TFCP2L1: variants seen among roughly 807,000 people sequenced by gnomAD.
TFCP2L1 encodes transcription factor CP2-like protein 1.
In TFCP2L1, 12 loss-of-function variants were observed where a neutral mutation model predicts 72.2. That is an observed-to-expected ratio of 0.17 (90% confidence interval 0.11 to 0.27). The LOEUF is 0.27. TFCP2L1 is among the 10% of genes least tolerant of loss of function. The pLI is 1.00. For synonymous variants in TFCP2L1, 260 were observed against 251.0 expected (o/e 1.04, Z -0.34); for missense variants, 488 against 624.6 (o/e 0.78, Z 2.33).
At chr2:121,247,551 A>T (rs1686514780) in intron 5 of TFCP2L1, among the ~76,000 whole-genome samples, 1 of 125,088 alleles carries the variant, frequency 8.0e-6, no homozygotes, top group Non-Finnish European at 1.7e-5. Flanking sequence ...TTGTAATTGT[A>T]AAAAAAAAAA....
chr2:121,245,151 A>G (rs1486666664), intron 6 of TFCP2L1, among the ~76,000 whole-genome samples: 1 of 152,170 alleles, frequency 6.6e-6, no homozygotes. Context: ...ATCCTTACAA[A>G]AGGAAGAGGG....
intron 2 of TFCP2L1, among the ~76,000 whole-genome samples, chr2:121,272,719 T>C (rs1219814038): frequency 1.3e-5 from 2 of 152,204 alleles, no homozygotes; most frequent in Admixed American, 6.5e-5. Flanking sequence ...ATGGCTGACA[T>C]GTGAGTGCTT....
At chr2:121,269,918 A>AAAAAAAAAAAAAAAATATATATAT in intron 2 of TFCP2L1, among the ~76,000 whole-genome samples, 2 of 115,182 alleles carry the variant, frequency 1.7e-5, no homozygotes, top group African/African-American at 7.4e-5. Flanking sequence ...AAAAAAAAAA[A>AAAAAAAAAAAAAAAATATATATAT]ATATATATAT....
intron 2 of TFCP2L1, among the ~76,000 whole-genome samples, chr2:121,260,594 A>C (rs1237484823): frequency 6.6e-6 from 1 of 152,192 alleles, no homozygotes; most frequent in Non-Finnish European, 1.5e-5. Flanking sequence ...CCTAACTGCC[A>C]AGGTCACAGA....
intron 2 of TFCP2L1, among the ~76,000 whole-genome samples, chr2:121,279,108 G>A (rs1687205535): frequency 6.6e-6 from 1 of 152,068 alleles, no homozygotes; most frequent in Admixed American, 6.5e-5. Flanking sequence ...ACAATATCTT[G>A]GTCTAGGAGC....
At chr2:121,243,261 C>T (rs1686415050) in intron 6 of TFCP2L1, among the ~76,000 whole-genome samples, 1 of 152,270 alleles carries the variant, frequency 6.6e-6, no homozygotes, top group Admixed American at 6.5e-5. Flanking sequence ...TTACTACCCA[C>T]ACAGCAGGCT....
intron 2 of TFCP2L1, among the ~76,000 whole-genome samples, chr2:121,276,873 TAAAAG>T (rs1406832189): frequency 6.7e-6 from 1 of 149,754 alleles, no homozygotes; most frequent in African/African-American, 2.5e-5. Flanking sequence ...CTTTTAAGCA[TAAAAG>T]AAAAGTTTAT....
chr2:121,219,217 A>C lies in TFCP2L1; in HGVS notation c.*5124T>G, dbSNP rs1030245355. 1 of 152,280 alleles carries C rather than the reference A, an allele frequency of 6.6e-6. No individual in the cohort carries two copies. Among genetic ancestry groups the C allele is most frequent in the Non-Finnish European group, 1.5e-5 (1 of 68,090 alleles). 9.4% of individuals were successfully genotyped at this position (152,280 alleles called of 1,614,324 possible). ...CTCTCCAGGAGGTCACACAAGATCA[A>C]AAGAGGATCATCGAGCTACCGAGGG... On this transcript the variant is annotated 3_prime_UTR_variant, in exon 15 of 15. Coordinates refer to ENST00000263707, the MANE Select transcript of TFCP2L1 (RefSeq NM_014553.3).
chr2:121,248,564 T>A (rs1381161197), intron 4 of TFCP2L1, among the ~76,000 whole-genome samples: 1 of 152,136 alleles, frequency 6.6e-6, no homozygotes, highest in East Asian at 1.9e-4. Context: ...CGTATTGTCA[T>A]TCTAGCTTCT....
At chr2:121,252,219 T>C (rs1686627180) in intron 2 of TFCP2L1, among the ~76,000 whole-genome samples, 2 of 152,188 alleles carry the variant, frequency 1.3e-5, no homozygotes, top group Non-Finnish European at 2.9e-5. Context: ...TGGCTAATTT[T>C]TTATTTTTGT....
chr2:121,275,719 C>G (rs1032025025), intron 2 of TFCP2L1, among the ~76,000 whole-genome samples: 2 of 151,782 alleles, frequency 1.3e-5, no homozygotes, highest in Non-Finnish European at 2.9e-5. Flanking sequence ...CACAGGTGCC[C>G]GCCATCACGC....
rs1300812834 is a variant in TFCP2L1, at chr2:121,219,229, C to T, written c.*5112G>A. 6.6e-6 allele frequency: 1 copy of T among 152,284 alleles called. No individual in the cohort carries two copies. The highest frequency in any genetic ancestry group is 2.1e-4 in the South Asian group (1 of 4,832). 9.4% of individuals were successfully genotyped at this position (152,284 alleles called of 1,614,324 possible). On this transcript the variant is annotated 3_prime_UTR_variant, in exon 15 of 15. Transcript: ENST00000263707. ...TCACACAAGATCAAAAGAGGATCAT[C>T]GAGCTACCGAGGGAGCCTGTTTTCC...
chr2:121,218,387 G>C lies in TFCP2L1; in HGVS notation c.*5954C>G, dbSNP rs942640967. 1.3e-5 allele frequency: 2 copies of C among 152,168 alleles called. No individual in the cohort carries two copies. The highest frequency in any genetic ancestry group is 2.9e-5 in the Non-Finnish European group (2 of 68,030). 9.4% of individuals were successfully genotyped at this position (152,168 alleles called of 1,614,324 possible). On this transcript the variant is annotated 3_prime_UTR_variant, in exon 15 of 15. Coordinates refer to ENST00000263707, the MANE Select transcript of TFCP2L1 (RefSeq NM_014553.3). ...GTGGCATAAACAGCCAGTGGGCCAG[G>C]TGGGCCCACCGTATGCTAGCTGACA...
chr2:121,236,246 G>A (rs541006125), intron 10 of TFCP2L1, among the ~76,000 whole-genome samples: 37 of 152,272 alleles, frequency 2.4e-4, no homozygotes, highest in African/African-American at 8.4e-4. Context: ...CACAAGGTGC[G>A]TGTCTGCCGG....
Position 121,234,070 on chromosome 2 carries a change from G to A in TFCP2L1, c.1198+21C>T, listed in dbSNP as rs371208713. The A allele has an allele frequency of 3.7e-5, 59 of 1,609,216 alleles. No homozygotes were observed. In the African/African-American group the frequency reaches 7.3e-4, roughly 20 times the overall value. Reference sequence around the variant, plus strand: ...TGCGGGACCCAATGTGTGGGTCCCAGCTCTGCTCCCCACAACTCACCAGAC... The same window carrying A: ...TGCGGGACCCAATGTGTGGGTCCCAACTCTGCTCCCCACAACTCACCAGAC... On this transcript the variant is annotated intron_variant, in intron 12 of 14. Coordinates refer to ENST00000263707, the MANE Select transcript of TFCP2L1 (RefSeq NM_014553.3).
intron 2 of TFCP2L1, among the ~76,000 whole-genome samples, chr2:121,259,482 C>T (rs181527352): frequency 6.6e-6 from 1 of 152,182 alleles, no homozygotes; most frequent in African/African-American, 2.4e-5. Flanking sequence ...GCAAGTGTGG[C>T]AAAACATTTA....
chr2:121,268,185 G>C (rs1686971241), intron 2 of TFCP2L1, among the ~76,000 whole-genome samples: 1 of 152,190 alleles, frequency 6.6e-6, no homozygotes, highest in South Asian at 2.1e-4. Context: ...AGTTTAGCCT[G>C]AGATTCACAA....
chr2:121,241,486 G>A (rs1686366386), intron 7 of TFCP2L1, among the ~76,000 whole-genome samples: 1 of 151,880 alleles, frequency 6.6e-6, no homozygotes, highest in Admixed American at 6.6e-5. Flanking sequence ...AACAGAGCGA[G>A]ACTCAGTCTC....
chr2:121,279,974 T>C (rs1018006947), intron 2 of TFCP2L1, among the ~76,000 whole-genome samples: 21 of 152,028 alleles, frequency 1.4e-4, no homozygotes, highest in African/African-American at 4.3e-4. Flanking sequence ...GATGCCAGGG[T>C]GGTCATGAGA....
Sources: gnomAD v4.1 joint callset for allele counts (sites outside exome capture counted in the v4.1 genomes callset) on GRCh38, gnomAD v4.1.1 for gene constraint, MANE v1.5 for transcripts, NCBI Gene and HGNC (gene_info 2026-07-23, HGNC 2026-07-21) for gene names.